KCNK9: variants seen among roughly 807,000 people sequenced by gnomAD.
KCNK9 encodes potassium channel subfamily K member 9.
KCNK9 carries 1 observed loss-of-function variant against 10.8 expected under a neutral mutation model. That is an observed-to-expected ratio of 0.09 (90% CI 0.03 to 0.44). The LOEUF (loss-of-function observed/expected upper bound fraction) is 0.44. KCNK9 is among the 20% of genes least tolerant of loss of function. KCNK9 has a pLI of 0.97. For missense variants in KCNK9, 303 were observed against 515.0 expected (o/e 0.59, Z 3.98); for synonymous variants, 231 against 222.7 (o/e 1.04, Z -0.33).
intron 1 of KCNK9, among the ~76,000 whole-genome samples, chr8:139,685,288 T>G (rs1002893576): frequency 6.6e-6 from 1 of 152,198 alleles, no homozygotes; most frequent in Non-Finnish European, 1.5e-5. Context: ...TTATTTTTAT[T>G]TTTTATTATT....
chr8:139,621,599 A>T (rs891670962), intron 1 of KCNK9, among the ~76,000 whole-genome samples: 1 of 152,226 alleles, frequency 6.6e-6, no homozygotes, highest in Non-Finnish European at 1.5e-5. Context: ...CAAGAAAGGC[A>T]AAACAAAGAC....
At chr8:139,633,487 TGGC>T (rs1815237424) in intron 1 of KCNK9, among the ~76,000 whole-genome samples, 1 of 152,126 alleles carries the variant, frequency 6.6e-6, no homozygotes, top group Non-Finnish European at 1.5e-5. Flanking sequence ...GACTAATAGG[TGGC>T]AGTCTTGGAT....
chr8:139,659,986 G>A (rs1291895327), intron 1 of KCNK9, among the ~76,000 whole-genome samples: 1 of 152,178 alleles, frequency 6.6e-6, no homozygotes, highest in African/African-American at 2.4e-5. Flanking sequence ...TGGGAGGGAT[G>A]GAGATGGGAT....
chr8:139,635,584 G>T (rs887889817), intron 1 of KCNK9, among the ~76,000 whole-genome samples: 3 of 152,222 alleles, frequency 2.0e-5, no homozygotes, highest in East Asian at 3.8e-4. Context: ...AATGGAAAAA[G>T]CCTGCTGCTA....
downstream of KCNK9, among the ~76,000 whole-genome samples, chr8:139,613,944 C>T (rs547436814): frequency 2.6e-5 from 4 of 152,300 alleles, no homozygotes; most frequent in African/African-American, 4.8e-5. Flanking sequence ...CAGGGGCAGG[C>T]GCCTCTGCAG....
At chr8:139,694,833 C>T (rs888449068) in intron 1 of KCNK9, among the ~76,000 whole-genome samples, 6 of 152,082 alleles carry the variant, frequency 3.9e-5, no homozygotes, top group South Asian at 4.1e-4. Context: ...ACTCACCTAG[C>T]ACCACCTTCG....
chr8:139,688,230 G>A (rs1007490010), intron 1 of KCNK9, among the ~76,000 whole-genome samples: 3 of 152,208 alleles, frequency 2.0e-5, no homozygotes, highest in Non-Finnish European at 4.4e-5. Flanking sequence ...AAAGGTAGAT[G>A]AGGGGTTGAG....
At chr8:139,679,413 C>CG (rs1361185058) in intron 1 of KCNK9, among the ~76,000 whole-genome samples, 1 of 152,212 alleles carries the variant, frequency 6.6e-6, no homozygotes, top group African/African-American at 2.4e-5. Flanking sequence ...CCCTGCCAGC[C>CG]GGGCCTGCTG....
chr8:139,686,196 G>T (rs1193979796), intron 1 of KCNK9, among the ~76,000 whole-genome samples: 1 of 152,174 alleles, frequency 6.6e-6, no homozygotes, highest in African/African-American at 2.4e-5. Flanking sequence ...TCAGGACATA[G>T]TCATGGGCAA....
chr8:139,622,350 C>T (rs1162292372), intron 1 of KCNK9, among the ~76,000 whole-genome samples: 1 of 152,146 alleles, frequency 6.6e-6, no homozygotes, highest in Non-Finnish European at 1.5e-5. Context: ...GGGTATCCTC[C>T]ACTGTCCTAT....
chr8:139,687,138 G>A (rs1816806543), intron 1 of KCNK9, among the ~76,000 whole-genome samples: 1 of 151,774 alleles, frequency 6.6e-6, no homozygotes, highest in Admixed American at 6.6e-5. Context: ...TATTTTCAAA[G>A]AATGTAAGAG....
intron 1 of KCNK9, among the ~76,000 whole-genome samples, chr8:139,663,507 G>T (rs1816218056): frequency 6.6e-6 from 1 of 152,078 alleles, no homozygotes; most frequent in Non-Finnish European, 1.5e-5. Flanking sequence ...TGACAGCATT[G>T]CTTCCCACCT....
chr8:139,646,475 G>A (rs932502556), intron 1 of KCNK9, among the ~76,000 whole-genome samples: 16 of 152,366 alleles, frequency 1.1e-4, no homozygotes, highest in Non-Finnish European at 1.9e-4. Context: ...GCCTCCAGGG[G>A]CAAGCCCCAG....
rs540186707 is a variant in KCNK9 at position 139,645,640 on chromosome 8, A to T, written c.284-26541T>A. ...CCCCTCCCTCCTGCCCATGCCCCACACTCTAGAGCCCTGCACCTGCCCCAG... is the reference window on the plus strand; with the variant it reads ...CCCCTCCCTCCTGCCCATGCCCCACTCTCTAGAGCCCTGCACCTGCCCCAG... On this transcript the variant is annotated intron_variant, in intron 1 of 1. Transcript: ENST00000520439. Among the ~76,000 whole-genome samples the T allele has an allele frequency of 8.5e-4, 129 of 151,432 alleles. 1 individual carries two copies. The highest frequency in any genetic ancestry group is 3.0e-3 in the African/African-American group (125 of 41,192).
rs148138643 is a variant in KCNK9, at chr8:139,682,780, C to T, written c.283+19930G>A. 2.4e-4 allele frequency among the ~76,000 whole-genome samples: 37 copies of T among 152,258 alleles called. No individual in the cohort carries two copies. The East Asian group carries it at 7.2e-3, about 29-fold the overall frequency. On this transcript the variant is annotated intron_variant, in intron 1 of 1. Coordinates refer to ENST00000520439, the MANE Select transcript of KCNK9 (RefSeq NM_001282534.2). Reference sequence around the variant, plus strand: ...AGAAATGCATGCAGCTTGGAGAAGGCCGAGTAGGTGACGTTGCCGTAGTGC... The same window carrying T: ...AGAAATGCATGCAGCTTGGAGAAGGTCGAGTAGGTGACGTTGCCGTAGTGC...
chr8:139,666,463 T>TCAGAA (rs1816303541), intron 1 of KCNK9, among the ~76,000 whole-genome samples: 1 of 152,214 alleles, frequency 6.6e-6, no homozygotes, highest in Non-Finnish European at 1.5e-5. Flanking sequence ...TCTAAAGTGC[T>TCAGAA]CAGAACACTG....
downstream of KCNK9, among the ~76,000 whole-genome samples, chr8:139,609,281 G>T (rs1364132203): frequency 7.1e-6 from 1 of 141,606 alleles, no homozygotes; most frequent in East Asian, 2.1e-4. Flanking sequence ...AAGAGTGAGT[G>T]TGCCAGCGGG....
Position 139,687,419 on chromosome 8 carries a change from T to C in KCNK9, c.283+15291A>G, listed in dbSNP as rs545052318. Among the ~76,000 whole-genome samples the C allele has an allele frequency of 3.6e-4, 51 of 142,276 alleles. 4 individuals carry two copies. The highest frequency in any genetic ancestry group is 1.4e-3 in the African/African-American group (50 of 36,764). 93.3% of individuals were successfully genotyped at this position (142,276 alleles called of 152,430 possible). On this transcript the variant is annotated intron_variant, in intron 1 of 1. Transcript: ENST00000520439. ...GTGTATACATATATATTCATATATG[T>C]GTATACATATATATTCATATATATG...
At chr8:139,625,688 GC>G (rs1285612577) in intron 1 of KCNK9, among the ~76,000 whole-genome samples, 1 of 150,182 alleles carries the variant, frequency 6.7e-6, no homozygotes, top group African/African-American at 2.5e-5. Flanking sequence ...CAGAGAAGCA[GC>G]CTTCATCTCT....
Sources: gnomAD v4.1 joint callset for allele counts (sites outside exome capture counted in the v4.1 genomes callset) on GRCh38, gnomAD v4.1.1 for gene constraint, MANE v1.5 for transcripts, NCBI Gene and HGNC (gene_info 2026-07-23, HGNC 2026-07-21) for gene names.